The following LRRC49 variants were observed in gnomAD, a reference collection of about 807,000 sequenced individuals.
The protein encoded by LRRC49 is leucine rich repeat containing 49, also known as leucine-rich repeat-containing protein 49.
A neutral mutation model predicts 83.3 loss-of-function variants in LRRC49; 50 were observed. The ratio of observed to expected loss-of-function variants is 0.60; its 90% CI spans 0.48 to 0.76. The LOEUF is 0.76. Among genes scored for constraint, LRRC49 ranks in the 30% least tolerant of loss-of-function variants. The probability of loss-of-function intolerance (pLI) is 0.00; values close to 1 mark genes in which losing one functional copy is unlikely to be tolerated. For synonymous variants in LRRC49, 286 were observed against 283.3 expected (o/e 1.01, Z -0.10); for missense variants, 704 against 809.1 (o/e 0.87, Z 1.58).
chr15:71,027,507 G>A (rs1184833353), intron 14 of LRRC49, among the ~76,000 whole-genome samples: 1 of 152,132 alleles, frequency 6.6e-6, no homozygotes, highest in African/African-American at 2.4e-5. Context: ...GATGGGAATA[G>A]CATTGAATCT....
At chr15:70,873,261 C>G (rs1473323246) in intron 2 of LRRC49, 1 of 1,528,506 alleles carries the variant, frequency 6.5e-7, no homozygotes, top group Non-Finnish European at 8.8e-7. Flanking sequence ...TTTTGTATAA[C>G]AATTATACTC....
chr15:70,986,756 A>C (rs2037635803), intron 11 of LRRC49, among the ~76,000 whole-genome samples: 1 of 152,156 alleles, frequency 6.6e-6, no homozygotes, highest in Non-Finnish European at 1.5e-5. Context: ...ATTCAGTCTG[A>C]TATTGGCTGT....
chr15:70,947,177 T>C (rs2036039449), intron 8 of LRRC49, among the ~76,000 whole-genome samples: 1 of 152,178 alleles, frequency 6.6e-6, no homozygotes, highest in Non-Finnish European at 1.5e-5. Flanking sequence ...TGGGTGGGTT[T>C]AGGATCTAAG....
At chr15:70,988,635 C>A (rs1465594936) in intron 11 of LRRC49, among the ~76,000 whole-genome samples, 4 of 151,650 alleles carry the variant, frequency 2.6e-5, no homozygotes, top group Non-Finnish European at 4.4e-5. Flanking sequence ...AGTCCATTTA[C>A]ATTTAAAGTT....
In LRRC49 at chr15:70,952,371, A is replaced by T. The variant is rs149599353; in HGVS notation, c.774-11414A>T. 3.3e-5 allele frequency among the ~76,000 whole-genome samples: 5 copies of T among 152,154 alleles called. No individual in the cohort carries two copies. The East Asian group carries it at 7.7e-4, about 24-fold the overall frequency. ...TTCTTTGTATATCTGGTAGAATTCAACTGTGAATCCATCTGGTCTAGGGCT... is the reference window on the plus strand; with the variant it reads ...TTCTTTGTATATCTGGTAGAATTCATCTGTGAATCCATCTGGTCTAGGGCT... On this transcript the variant is annotated intron_variant, in intron 8 of 15. Transcript: ENST00000260382.
rs755257784 is a variant in LRRC49, at chr15:71,009,887, G to A, written c.1488G>A (p.Leu496=). The A allele has an allele frequency of 6.2e-7, 1 of 1,612,438 alleles. No homozygotes were observed. The highest frequency in any genetic ancestry group is 8.5e-7 in the Non-Finnish European group (1 of 1,178,790). Residue 496 remains leucine (L), a synonymous_variant, in exon 13 of 16, where the codon TTG becomes TTA. Coordinates refer to ENST00000260382, the MANE Select transcript of LRRC49 (RefSeq NM_017691.5). The part of the protein sequence containing the change: ...ALAQLRRIDQ[L]TIDPQGNPVV... ...CCCAACTCCGTCGTATTGACCAGTT[G>A]ACAATTGATCCTCAAGGAAATCCAG...
chr15:70,854,448 T>A (rs1044358017), intron 1 of LRRC49, among the ~76,000 whole-genome samples: 2 of 152,144 alleles, frequency 1.3e-5, no homozygotes, highest in Non-Finnish European at 2.9e-5. Context: ...TCCCTCCTCC[T>A]GCGCCTTCTT....
intron 5 of LRRC49, among the ~76,000 whole-genome samples, chr15:70,907,659 T>C (rs2034372810): frequency 6.6e-6 from 1 of 152,208 alleles, no homozygotes; most frequent in Admixed American, 6.5e-5. Context: ...TTCTGACACC[T>C]GAAAAGCTAA....
Position 70,919,057 on chromosome 15 carries a change from A to G in LRRC49, c.575A>G (p.Lys192Arg), listed in dbSNP as rs779429416. ...TCCTATTTTCTTTAACAGATTACCAAAATTGAAAATATTAATCATTTGTGT... is the reference window on the plus strand; with the variant it reads ...TCCTATTTTCTTTAACAGATTACCAGAATTGAAAATATTAATCATTTGTGT... Reference protein sequence around the residue: ...VLDLHGNQITKIENINHLCEL... With the variant: ...VLDLHGNQITRIENINHLCEL... Residue 192 changes from lysine to arginine, a missense_variant, in exon 7 of 16, where the codon AAA becomes AGA. This residue lies in a region of LRRC49 where 261 missense variants were observed against 330.5 expected (regional missense o/e 0.79). Transcript: ENST00000260382. The G allele has an allele frequency of 1.3e-5, 21 of 1,610,938 alleles. No homozygotes were observed. The East Asian group carries it at 1.3e-4, about 10-fold the overall frequency.
chr15:70,979,039 T>C (rs2037306936), intron 9 of LRRC49, among the ~76,000 whole-genome samples: 1 of 152,152 alleles, frequency 6.6e-6, no homozygotes, highest in African/African-American at 2.4e-5. Context: ...CTTTTATGAA[T>C]AAATTGTTTT....
rs558563957 is a variant in LRRC49 at position 71,047,714 on chromosome 15, C to T, written c.1858-1695C>T. Among the ~76,000 whole-genome samples the T allele has an allele frequency of 5.3e-5, 8 of 152,234 alleles. No individual in the cohort carries two copies. In the South Asian group the frequency reaches 1.7e-3, roughly 32 times the overall value. ...GTTCTGGCTAGGACTTCCTAGAAAT[C>T]TTCGTAGGTATAATTTTAATGACAC... On this transcript the variant is annotated intron_variant, in intron 15 of 15. Transcript: ENST00000260382.
chr15:70,967,168 A>G (rs1009023347), intron 9 of LRRC49, among the ~76,000 whole-genome samples: 4 of 152,134 alleles, frequency 2.6e-5, no homozygotes, highest in African/African-American at 9.6e-5. Context: ...GGAGTTCAAC[A>G]TGGCTAAGCA....
intron 15 of LRRC49, 140 bp from the exon 16 acceptor site, chr15:71,049,269 A>G (rs2141317125): frequency 1.6e-6 from 1 of 619,644 alleles, no homozygotes. Context: ...ACTAGGAAAG[A>G]ATTCCTGCTC....
chr15:70,911,428 A>G, intron 5 of LRRC49, 104 bp from the exon 6 acceptor site: 1 of 599,126 alleles, frequency 1.7e-6, no homozygotes, highest in Non-Finnish European at 3.0e-6. Context: ...ATATATGTAG[A>G]TAGAGTAAAT....
intron 1 of LRRC49, among the ~76,000 whole-genome samples, chr15:70,866,496 C>A (rs1050528093): frequency 3.3e-5 from 5 of 152,092 alleles, no homozygotes; most frequent in African/African-American, 1.2e-4. Context: ...ATTTCCATAC[C>A]CCTGTTCACT....
intron 14 of LRRC49, among the ~76,000 whole-genome samples, chr15:71,017,632 A>C (rs905861308): frequency 2.0e-5 from 3 of 152,204 alleles, no homozygotes; most frequent in African/African-American, 7.2e-5. Flanking sequence ...CATCAGAGAA[A>C]TACAACTTAA....
chr15:70,900,664 C>G (rs748556337), intron 3 of LRRC49: 136 of 484,120 alleles, frequency 2.8e-4, no homozygotes, highest in Non-Finnish European at 5.0e-4. Context: ...GAAGATAGCA[C>G]TGGACTAGTT....
chr15:71,040,239 G>T (rs79079899), intron 15 of LRRC49, among the ~76,000 whole-genome samples: 3 of 152,138 alleles, frequency 2.0e-5, no homozygotes, highest in African/African-American at 7.2e-5. Context: ...AATGGAAATT[G>T]CATAGTGTTA....
intron 7 of LRRC49, among the ~76,000 whole-genome samples, chr15:70,925,867 A>G (rs1486345725): frequency 6.6e-6 from 1 of 152,186 alleles, no homozygotes; most frequent in Non-Finnish European, 1.5e-5. Flanking sequence ...TGTACAGTTC[A>G]ATAGCTTCTA....
Sources: allele counts gnomAD v4.1 joint callset (sites outside exome capture counted in the v4.1 genomes callset), GRCh38; gene constraint gnomAD v4.1.1; regional missense constraint gnomAD v4.1.1; transcripts MANE v1.5; gene names NCBI Gene and HGNC (gene_info 2026-07-23, HGNC 2026-07-21).